ADAM10: variants seen among roughly 807,000 people sequenced by gnomAD.
ADAM10 encodes disintegrin and metalloproteinase domain-containing protein 10.
A neutral mutation model predicts 90.1 loss-of-function variants in ADAM10; 17 were observed. The observed-to-expected ratio is 0.19, with a 90% CI of 0.13 to 0.28. The LOEUF is 0.28. Ranked by LOEUF, ADAM10 falls within the 10% of genes least tolerant of loss-of-function variation. The pLI is 1.00. For synonymous variants in ADAM10, 310 were observed against 298.6 expected (o/e 1.04, Z -0.40); for missense variants, 610 against 914.3 (o/e 0.67, Z 4.29).
chr15:58,627,955 A>T, intron 9 of ADAM10, 72 bp from the exon 10 acceptor site: 1 of 1,439,056 alleles, frequency 6.9e-7, no homozygotes, highest in Non-Finnish European at 9.7e-7. Context: ...ATTAAACGTA[A>T]TGTTCTCATC....
chr15:58,749,554 C>T lies in ADAM10; in HGVS notation c.-20G>A, dbSNP rs199879840. ...CACCATCTTCCGCTGCCGCTGCCGC[C>T]GCCGCCGCCTCCTCACGGGTTAACA... On this transcript the variant is annotated 5_prime_UTR_variant, in exon 1 of 16. Coordinates refer to ENST00000260408, the MANE Select transcript of ADAM10 (RefSeq NM_001110.4). The T allele has an allele frequency of 6.4e-7, 1 of 1,550,540 alleles. No individual in the cohort carries two copies. The highest frequency in any genetic ancestry group is 8.7e-7 in the Non-Finnish European group (1 of 1,146,724).
chr15:58,738,625 C>G (rs1378169241), intron 1 of ADAM10, among the ~76,000 whole-genome samples: 1 of 152,172 alleles, frequency 6.6e-6, no homozygotes, highest in East Asian at 1.9e-4. Context: ...ATAACACAAG[C>G]TGGCTCAGAA....
rs1482928652 is a variant in ADAM10 at position 58,633,241 on chromosome 15, A to G, written c.1131T>C (p.Ser377=). 9 of 1,613,460 alleles carry G rather than the reference A, an allele frequency of 5.6e-6. No individual in the cohort carries two copies. Among genetic ancestry groups the G allele is most frequent in the Non-Finnish European group, 6.8e-6 (8 of 1,179,576 alleles). ...NYGSHVPPKV[S]HITFAHEVGH... ...CAACTTCGTGAGCAAAAGTAATGTGAGAGACTTTGGGAGGTACATGAGACC... is the reference window on the plus strand; with the variant it reads ...CAACTTCGTGAGCAAAAGTAATGTGGGAGACTTTGGGAGGTACATGAGACC... The change falls in exon 9 of 16, where the codon TCT becomes TCC. Residue 377 remains serine (S), a synonymous_variant. Coordinates refer to ENST00000260408, the MANE Select transcript of ADAM10 (RefSeq NM_001110.4).
intron 2 of ADAM10, among the ~76,000 whole-genome samples, chr15:58,712,163 T>C (rs1286124487): frequency 6.6e-6 from 1 of 152,166 alleles, no homozygotes; most frequent in Non-Finnish European, 1.5e-5. Flanking sequence ...TCCAACATGT[T>C]ATATAGAATC....
At chr15:58,632,377 A>G (rs1301958113) in intron 9 of ADAM10, among the ~76,000 whole-genome samples, 1 of 152,250 alleles carries the variant, frequency 6.6e-6, no homozygotes, top group African/African-American at 2.4e-5. Flanking sequence ...GCAAAGAAAA[A>G]GAAATACAGA....
At chr15:58,686,916 G>A (rs1897619183) in intron 2 of ADAM10, among the ~76,000 whole-genome samples, 1 of 152,076 alleles carries the variant, frequency 6.6e-6, no homozygotes, top group South Asian at 2.1e-4. Flanking sequence ...TTTCATAAGT[G>A]AGTTACTAAG....
chr15:58,741,083 G>A (rs543295887), intron 1 of ADAM10, among the ~76,000 whole-genome samples: 2 of 152,296 alleles, frequency 1.3e-5, no homozygotes, highest in East Asian at 1.9e-4. Context: ...AGAATTCTAT[G>A]TGTTCTTTTG....
chr15:58,717,556 G>A, intron 2 of ADAM10, 21 bp downstream of exon 2: 1 of 1,613,602 alleles, frequency 6.2e-7, no homozygotes, highest in Non-Finnish European at 8.5e-7. Flanking sequence ...TTCAGACACA[G>A]TCAGCAATAA....
At chr15:58,700,142 T>G (rs1392387310) in intron 2 of ADAM10, among the ~76,000 whole-genome samples, 1 of 152,294 alleles carries the variant, frequency 6.6e-6, no homozygotes, top group Admixed American at 6.5e-5. Flanking sequence ...AATACCATAA[T>G]AGTTGGTAGA....
At chr15:58,626,936 T>C (rs1209135569) in intron 10 of ADAM10, among the ~76,000 whole-genome samples, 1 of 152,184 alleles carries the variant, frequency 6.6e-6, no homozygotes, top group Non-Finnish European at 1.5e-5. Flanking sequence ...GTCACAGAAC[T>C]GTACATTTAA....
At chr15:58,710,822 T>C (rs1264084309) in intron 2 of ADAM10, among the ~76,000 whole-genome samples, 2 of 152,228 alleles carry the variant, frequency 1.3e-5, no homozygotes, top group East Asian at 1.9e-4. Context: ...TTGTGTTCCC[T>C]AGATTCTTAC....
Position 58,646,008 on chromosome 15 carries a change from T to C in ADAM10, c.735+47A>G, listed in dbSNP as rs202234366. On this transcript the variant is annotated intron_variant, in intron 6 of 15. Coordinates refer to ENST00000260408, the MANE Select transcript of ADAM10 (RefSeq NM_001110.4). ...AATTTTTAAAGGAAAGAATAGGCAT[T>C]ATAAAACAATATGGGAACTACTAAA... is the stretch of plus-strand genomic sequence containing the variant. 59 of 1,603,040 alleles carry C rather than the reference T, an allele frequency of 3.7e-5. No individual in the cohort carries two copies. In the South Asian group the frequency reaches 6.5e-4, roughly 18 times the overall value.
chr15:58,640,406 T>G (rs1169599501), intron 8 of ADAM10, among the ~76,000 whole-genome samples: 1 of 152,244 alleles, frequency 6.6e-6, no homozygotes, highest in East Asian at 1.9e-4. Context: ...TTTTCCTCTT[T>G]TGATTCTAAG....
At chr15:58,629,833 C>T (rs1433395955) in intron 9 of ADAM10, among the ~76,000 whole-genome samples, 3 of 151,786 alleles carry the variant, frequency 2.0e-5, no homozygotes, top group African/African-American at 7.3e-5. Flanking sequence ...AGTGTAGTGG[C>T]GTGATCCTGG....
chr15:58,657,226 A>G (rs1248447885), intron 5 of ADAM10, among the ~76,000 whole-genome samples: 4 of 152,128 alleles, frequency 2.6e-5, no homozygotes, highest in Admixed American at 1.3e-4. Flanking sequence ...GAATGTTGAT[A>G]TCTTTTTCTA....
chr15:58,653,280 T>C (rs1896732654), intron 5 of ADAM10, among the ~76,000 whole-genome samples: 1 of 152,212 alleles, frequency 6.6e-6, no homozygotes, highest in South Asian at 2.1e-4. Flanking sequence ...AAAGAAGGCA[T>C]CCTTCTTGTG....
At chr15:58,666,165 G>T (rs913503425) in intron 4 of ADAM10, among the ~76,000 whole-genome samples, 2 of 151,188 alleles carry the variant, frequency 1.3e-5, no homozygotes, top group African/African-American at 4.8e-5. Flanking sequence ...TCTATCACCA[G>T]ATATTCTTTC....
At chr15:58,698,390 G>A (rs1458335291) in intron 2 of ADAM10, 5 of 276,604 alleles carry the variant, frequency 1.8e-5, no homozygotes, top group South Asian at 5.7e-5. Flanking sequence ...TGGGCAACAC[G>A]GCAAAACCCC....
chr15:58,632,727 T>C (rs1307831654), intron 9 of ADAM10, among the ~76,000 whole-genome samples: 1 of 152,222 alleles, frequency 6.6e-6, no homozygotes, highest in Non-Finnish European at 1.5e-5. Flanking sequence ...GAAAATACTT[T>C]AAATTATCAA....
Sources: allele counts gnomAD v4.1 joint callset (sites outside exome capture counted in the v4.1 genomes callset), GRCh38; gene constraint gnomAD v4.1.1; transcripts MANE v1.5; gene names NCBI Gene and HGNC (gene_info 2026-07-23, HGNC 2026-07-21).